The following IPO5 variants were observed in gnomAD, a reference collection of about 807,000 sequenced individuals.
IPO5 encodes importin-5.
Under a neutral mutation model 143.3 loss-of-function variants are expected in IPO5, and 18 were observed. The ratio of observed to expected loss-of-function variants is 0.13; its 90% CI spans 0.09 to 0.19. IPO5 has a LOEUF of 0.19. Among genes scored for constraint, IPO5 ranks in the 10% least tolerant of loss-of-function variants. The pLI is 1.00. For missense variants in IPO5, 1,013 were observed against 1,336.9 expected (o/e 0.76, Z 3.78); for synonymous variants, 477 against 465.7 (o/e 1.02, Z -0.31).
In IPO5 at chr13:97,998,037, G is replaced by A. The variant is rs1027314352; in HGVS notation, c.1001+419G>A. ...GTCGCCCAGGCTGGAGTGCAGTGGC[G>A]CGATCTCGGCTCACCGCAAGCTCCG... On this transcript the variant is annotated intron_variant, in intron 12 of 28. Transcript: ENST00000651721. Among the ~76,000 whole-genome samples, 8 of 152,194 alleles carry A rather than the reference G, an allele frequency of 5.3e-5. No homozygotes were observed. In the East Asian group the frequency reaches 9.6e-4, roughly 18 times the overall value.
Position 98,015,622 on chromosome 13 carries a change from A to C in IPO5, c.2418A>C (p.Lys806Asn). ...ILKAKLEEHF[K>N]NQELRQVKRQ... ...AAGCAAAGCTTGAAGAACATTTTAA[A>C]AATCAAGAATTACGACAAGGTAAGT... Residue 806 changes from lysine (K) to asparagine (N), a missense_variant, in exon 23 of 29, where the codon AAA becomes AAC. By Grantham distance (94) the Lys-to-Asn change is moderately conservative. This residue lies in a region of IPO5 where 685 missense variants were observed against 994.9 expected (regional missense o/e 0.69). Coordinates refer to ENST00000651721, the MANE Select transcript of IPO5 (RefSeq NM_002271.6). 1 of 1,609,534 alleles carries C rather than the reference A, an allele frequency of 6.2e-7. No individual in the cohort carries two copies. Among genetic ancestry groups the C allele is most frequent in the Non-Finnish European group, 8.5e-7 (1 of 1,176,922 alleles).
chr13:97,966,987 G>A (rs1460273067), intron 2 of IPO5, among the ~76,000 whole-genome samples: 1 of 152,126 alleles, frequency 6.6e-6, no homozygotes, highest in Non-Finnish European at 1.5e-5. Context: ...AGTGAGCTAA[G>A]ATCACGCCAC....
intron 3 of IPO5, among the ~76,000 whole-genome samples, chr13:97,975,281 G>C (rs1886177610): frequency 6.6e-6 from 1 of 151,966 alleles, no homozygotes; most frequent in African/African-American, 2.4e-5. Flanking sequence ...CTGAGGTCAG[G>C]AGTTCGAGAC....
intron 11 of IPO5, among the ~76,000 whole-genome samples, chr13:97,995,136 A>G (rs1888141154): frequency 6.6e-6 from 1 of 151,530 alleles, no homozygotes; most frequent in Admixed American, 6.6e-5. Context: ...AAAAAAAAAA[A>G]AAAAAGTTTC....
chr13:97,969,826 A>C lies in IPO5; in HGVS notation c.-9A>C, dbSNP rs1885672524. 2 of 1,609,532 alleles carry C rather than the reference A, an allele frequency of 1.2e-6. No homozygotes were observed. Among genetic ancestry groups the C allele is most frequent in the African/African-American group, 1.3e-5 (1 of 74,798 alleles). On this transcript the variant is annotated 5_prime_UTR_variant, in exon 3 of 29. Coordinates refer to ENST00000651721, the MANE Select transcript of IPO5 (RefSeq NM_002271.6). ...AAAACTAGAAGCAACAGAAAACACA[A>C]TAAGGTAACTGATTTCACCTGGGGA...
At chr13:97,992,741 G>A in intron 9 of IPO5, 151 bp from the exon 10 acceptor site, 1 of 738,332 alleles carries the variant, frequency 1.4e-6, no homozygotes, top group South Asian at 2.0e-5. Context: ...GTGCCTGCAG[G>A]TAGAACATTT....
chr13:98,014,239 A>G (rs1231614842), intron 22 of IPO5, 25 bp downstream of exon 22: 3 of 1,534,460 alleles, frequency 2.0e-6, no homozygotes, highest in Non-Finnish European at 2.7e-6. Flanking sequence ...CTTAAAAAAT[A>G]TGTATAAGGT....
chr13:97,998,927 G>A (rs1372647121), intron 12 of IPO5, among the ~76,000 whole-genome samples: 2 of 152,132 alleles, frequency 1.3e-5, no homozygotes, highest in Non-Finnish European at 2.9e-5. Flanking sequence ...CAGATCACCT[G>A]AGGTCAGGAG....
Position 97,964,479 on chromosome 13 carries a change from G to A in IPO5, c.-112-5244G>A, listed in dbSNP as rs1429229505. Among the ~76,000 whole-genome samples the A allele has an allele frequency of 9.8e-5, 12 of 122,314 alleles. 1 individual carries two copies. In the South Asian group the frequency reaches 1.5e-3, roughly 16 times the overall value. The allele number at this position is 122,314 out of a possible 152,430, so 80.2% of individuals were successfully genotyped here. Reference sequence around the variant, plus strand: ...TTTTTTTTTTTGGAGAATGAGTCTCGCTCTGTCACCCAGGCTGGAGTGCAG... The same window carrying A: ...TTTTTTTTTTTGGAGAATGAGTCTCACTCTGTCACCCAGGCTGGAGTGCAG... On this transcript the variant is annotated intron_variant, in intron 2 of 28. Coordinates refer to ENST00000651721, the MANE Select transcript of IPO5 (RefSeq NM_002271.6).
At chr13:98,007,235 G>A (rs1205523728) in intron 17 of IPO5, 3 of 152,278 alleles carry the variant, frequency 2.0e-5, no homozygotes, top group African/African-American at 7.2e-5. Context: ...AGTGCATCTC[G>A]TGGGAGGTGT....
At chr13:97,970,730 A>C (rs1179668714) in intron 3 of IPO5, among the ~76,000 whole-genome samples, 1 of 152,252 alleles carries the variant, frequency 6.6e-6, no homozygotes, top group African/African-American at 2.4e-5. Flanking sequence ...TAGCATTGAA[A>C]GCCAGAAATA....
Position 98,024,254 on chromosome 13 carries a change from G to C in IPO5, c.*2432G>C, listed in dbSNP as rs1161178752. On this transcript the variant is annotated 3_prime_UTR_variant, in exon 29 of 29. Transcript: ENST00000651721. ...ATAACTCTGGAGTTGTAGTTTGACA[G>C]AACCATCAGTAAAGACATAAGCAAA... is the stretch of plus-strand genomic sequence containing the variant. The C allele has an allele frequency of 6.6e-6, 1 of 152,140 alleles. No homozygotes were observed. The highest frequency in any genetic ancestry group is 2.4e-5 in the African/African-American group (1 of 41,430). 9.4% of individuals were successfully genotyped at this position (152,140 alleles called of 1,614,324 possible). A position where few individuals can be genotyped will look rare whatever the true frequency, so the allele number is the denominator to read the frequency against.
intron 2 of IPO5, among the ~76,000 whole-genome samples, chr13:97,962,614 C>T (rs937659775): frequency 2.6e-5 from 4 of 152,006 alleles, no homozygotes; most frequent in Admixed American, 2.0e-4. Context: ...GTCAGGAGTT[C>T]GAGACCAGCC....
chr13:98,002,660 C>G (rs780401181), intron 14 of IPO5, 24 bp from the exon 15 acceptor site: 2 of 1,606,368 alleles, frequency 1.2e-6, no homozygotes, highest in Non-Finnish European at 1.7e-6. Flanking sequence ...CTTGCTTTTA[C>G]TAATGAAAGG....
rs750401262 is a variant in IPO5 at position 98,003,000 on chromosome 13, A to G, written c.1460A>G (p.Lys487Arg). ...LLIPYLDNLV[K>R]HLHSIMVLKL... is the part of the protein sequence containing the mutation. ...ATTCCATACTTGGATAATTTGGTGA[A>G]ACATCTGCATTCCATTATGGTACTG... Residue 487 changes from lysine to arginine, a missense_variant, in exon 16 of 29, where the codon AAA (lysine) becomes AGA (arginine). By Grantham distance (26) the Lys-to-Arg change is conservative. Coordinates refer to ENST00000651721, the MANE Select transcript of IPO5 (RefSeq NM_002271.6). 1.9e-6 allele frequency: 3 copies of G among 1,613,742 alleles called. No homozygotes were observed. Among genetic ancestry groups the G allele is most frequent in the Non-Finnish European group, 2.5e-6 (3 of 1,179,834 alleles).
chr13:97,962,450 C>T (rs1884971014), intron 2 of IPO5, among the ~76,000 whole-genome samples: 1 of 152,050 alleles, frequency 6.6e-6, no homozygotes, highest in Non-Finnish European at 1.5e-5. Context: ...CAAGTTGTAC[C>T]GGCAACAATC....
chr13:97,969,175 ATTTTTTTTTTTTTT>A (rs60300496), intron 2 of IPO5, among the ~76,000 whole-genome samples: 10 of 43,896 alleles, frequency 2.3e-4, no homozygotes, highest in African/African-American at 1.1e-3. Context: ...ATATATATAT[ATTTTTTTTTTTTTT>A]TTTTTTTTTT....
chr13:97,960,053 G>T (rs947137378), intron 2 of IPO5: 3 of 151,508 alleles, frequency 2.0e-5, no homozygotes, highest in Admixed American at 2.0e-4. Context: ...ACTACACATA[G>T]GATGCATGGA....
intron 4 of IPO5, chr13:97,981,201 A>G (rs1337226035): frequency 6.7e-6 from 3 of 448,938 alleles, no homozygotes; most frequent in Admixed American, 2.5e-5. Context: ...TTATCAGAAG[A>G]TCTTGAATTC....
Sources: gnomAD v4.1 joint callset for allele counts (sites outside exome capture counted in the v4.1 genomes callset) on GRCh38, gnomAD v4.1.1 for gene constraint, gnomAD v4.1.1 regional missense constraint, MANE v1.5 for transcripts, NCBI Gene and HGNC (gene_info 2026-07-23, HGNC 2026-07-21) for gene names.